The following BID variants were observed in gnomAD, a reference collection of about 807,000 sequenced individuals.
BID encodes the protein BH3 interacting domain death agonist.
BID carries 19 observed loss-of-function variants against 17.4 expected under a neutral mutation model. That is an observed-to-expected ratio of 1.09 (90% CI 0.76 to 1.60). The LOEUF is 1.60. Ranked by LOEUF, BID falls within the 40% of genes most tolerant of loss-of-function variation. BID has a pLI of 0.00. For missense variants in BID, 226 were observed against 256.0 expected, an observed-to-expected ratio of 0.88 and a Z score of 0.80; for synonymous variants, 108 against 102.8, an observed-to-expected ratio of 1.05 and a Z score of -0.31.
At chr22:17,764,985 G>T (rs2061667926) in intron 1 of BID, among the ~76,000 whole-genome samples, 2 of 152,134 alleles carry the variant, frequency 1.3e-5, no homozygotes, top group Non-Finnish European at 2.9e-5. Context: ...TCCTAAGTAA[G>T]TCTGGACTAG....
Position 17,769,723 on chromosome 22 carries a change from T to C in BID, c.-59+4658A>G, listed in dbSNP as rs1273382583. ...GACTCCACACACAGAGGCAGCTGGGTCCAGGAGGCAGCCATCCCAAACGCA... is the reference window on the plus strand; with the variant it reads ...GACTCCACACACAGAGGCAGCTGGGCCCAGGAGGCAGCCATCCCAAACGCA... On this transcript the variant is annotated intron_variant, in intron 1 of 5. Transcript: ENST00000622694. The surrounding 1 kb of genome is among the most constrained non-coding windows in gnomAD (Gnocchi z 4.8). Among the ~76,000 whole-genome samples, 2 of 151,914 alleles carry C rather than the reference T, an allele frequency of 1.3e-5. No homozygotes were observed. The highest frequency in any genetic ancestry group is 2.9e-5 in the Non-Finnish European group (2 of 67,954).
At chr22:17,748,208 C>CAAAAAAAAAAAAAAAAAAAAAAAAAAA (rs1308392736) in intron 2 of BID, among the ~76,000 whole-genome samples, 1 of 114,564 alleles carries the variant, frequency 8.7e-6, no homozygotes, top group Non-Finnish European at 1.8e-5. Flanking sequence ...AACTGCGTCT[C>CAAAAAAAAAAAAAAAAAAAAAAAAAAA]AAAAAAATAA....
intron 5 of BID, among the ~76,000 whole-genome samples, chr22:17,737,261 A>G (rs2145870763): frequency 6.6e-6 from 1 of 152,002 alleles, no homozygotes; most frequent in Middle Eastern, 3.4e-3. Context: ...TTAGACTGTG[A>G]CTTGTAATAC....
chr22:17,737,277 TA>T (rs1231689137), intron 5 of BID, among the ~76,000 whole-genome samples: 1 of 152,168 alleles, frequency 6.6e-6, no homozygotes, highest in African/African-American at 2.4e-5. Flanking sequence ...AATACCTGGT[TA>T]TGGGACAGAT....
chr22:17,749,663 T>C (rs1033128394), intron 2 of BID, among the ~76,000 whole-genome samples: 8 of 152,244 alleles, frequency 5.3e-5, no homozygotes, highest in African/African-American at 1.9e-4. Context: ...TAATGCCCCC[T>C]TTCTTCTTCT....
At chr22:17,764,736 C>T (rs755981705) in intron 1 of BID, among the ~76,000 whole-genome samples, 31 of 152,280 alleles carry the variant, frequency 2.0e-4, no homozygotes, top group East Asian at 3.9e-4. Context: ...GTCCTGGGAT[C>T]GGTTGGGGAG....
intron 2 of BID, among the ~76,000 whole-genome samples, chr22:17,744,999 A>G (rs1007965237): frequency 6.6e-6 from 1 of 152,230 alleles, no homozygotes; most frequent in African/African-American, 2.4e-5. Flanking sequence ...ATTTTTCATT[A>G]GAAAAACCAA....
At chr22:17,752,070 TG>T (rs1464375898) in intron 1 of BID, among the ~76,000 whole-genome samples, 1 of 152,136 alleles carries the variant, frequency 6.6e-6, no homozygotes, top group African/African-American at 2.4e-5. Context: ...GGGGTCTCTG[TG>T]GGGAAAGTGC....
Position 17,773,949 on chromosome 22 carries a change from G to T in BID, c.-59+432C>A. 3.7e-6 allele frequency: 2 copies of T among 542,782 alleles called. No individual in the cohort carries two copies. Among genetic ancestry groups the T allele is most frequent in the Non-Finnish European group, 6.6e-6 (2 of 304,784 alleles). The allele number at this position is 542,782 out of a possible 1,614,324, so 33.6% of individuals were successfully genotyped here. A position where few individuals can be genotyped will look rare whatever the true frequency, so the allele number is the denominator to read the frequency against. ...GTGTCTGCGGTGCTGGAAAGACCAC[G>T]GTGTGGGCGGGGATTCCGATCCGCC... On this transcript the variant is annotated intron_variant, in intron 1 of 5. Transcript: ENST00000622694. This position sits in a 1 kb window ranked among gnomAD's most constrained non-coding sequence, Gnocchi z 4.4.
chr22:17,743,743 G>T, intron 3 of BID, 60 bp downstream of exon 3: 2 of 1,526,210 alleles, frequency 1.3e-6, no homozygotes, highest in Non-Finnish European at 1.8e-6. Flanking sequence ...GAGGCTCCCT[G>T]AATGTTACTG....
chr22:17,752,252 T>C (rs1285612957), intron 1 of BID, among the ~76,000 whole-genome samples: 2 of 152,106 alleles, frequency 1.3e-5, no homozygotes, highest in Non-Finnish European at 2.9e-5. Context: ...GCGACTTGGA[T>C]ACCCAGGAAA....
At chr22:17,763,221 T>C (rs917425595) in intron 1 of BID, among the ~76,000 whole-genome samples, 1 of 151,078 alleles carries the variant, frequency 6.6e-6, no homozygotes, top group African/African-American at 2.4e-5. Context: ...ACATAGCTGT[T>C]TGTCTCCATC....
intron 5 of BID, among the ~76,000 whole-genome samples, chr22:17,737,302 G>A (rs992092987): frequency 2.0e-5 from 3 of 152,028 alleles, no homozygotes; most frequent in Non-Finnish European, 2.9e-5. Context: ...CTCTGGAAAA[G>A]ATTTCAGACA....
chr22:17,770,028 C>G (rs773118486), intron 1 of BID, among the ~76,000 whole-genome samples: 1 of 152,140 alleles, frequency 6.6e-6, no homozygotes, highest in South Asian at 2.1e-4. Context: ...CAGGGCCCTT[C>G]GTGCCACTGG....
chr22:17,750,302 C>T (rs1007761207), intron 1 of BID, 128 bp from the exon 2 acceptor site: 3 of 752,694 alleles, frequency 4.0e-6, no homozygotes, highest in Admixed American at 2.6e-5. Context: ...CTGAGCCCCG[C>T]ATCCTGAGTT....
At position 17,760,153 on chromosome 22, in the gene BID, G is replaced by C. The variant is rs370789179; in HGVS notation, c.-58-9979C>G. ...CATCTCAAAAAAAAAAAAAAAAAAA[G>C]TTTCATATCTGGCCGGGCACAATGA... On this transcript the variant is annotated intron_variant, in intron 1 of 5. Transcript: ENST00000622694. 7.7e-5 allele frequency among the ~76,000 whole-genome samples: 7 copies of C among 91,334 alleles called. No individual in the cohort carries two copies. The East Asian group carries it at 2.4e-3, about 32-fold the overall frequency. The allele number at this position is 91,334 out of a possible 152,430, so 59.9% of individuals were successfully genotyped here.
At chr22:17,739,092 C>G (rs1341654971) in intron 4 of BID, among the ~76,000 whole-genome samples, 1 of 152,248 alleles carries the variant, frequency 6.6e-6, no homozygotes, top group Admixed American at 6.5e-5. Context: ...GCCAAACATG[C>G]TTCGTTCATC....
chr22:17,743,686 G>T, intron 3 of BID, 117 bp downstream of exon 3: 1 of 1,071,758 alleles, frequency 9.3e-7, no homozygotes, highest in Non-Finnish European at 1.3e-6. Context: ...GTACGTGGCA[G>T]CTGAAACTGC....
At position 17,750,280 on chromosome 22, in the gene BID, C is replaced by A. The variant is rs557820160; in HGVS notation, c.-58-106G>T. ...TGTGCTCCAGAAATGGCGGCTGAGC[C>A]GAGGTCCTGGCCTGAGCCCCGCATC... On this transcript the variant is annotated intron_variant, in intron 1 of 5. Transcript: ENST00000622694. 3.3e-4 allele frequency: 323 copies of A among 979,468 alleles called. 4 individuals are homozygous for A. The African/African-American group carries it at 4.8e-3, about 15-fold the overall frequency. The allele number at this position is 979,468 out of a possible 1,614,324, so 60.7% of individuals were successfully genotyped here. A position where few individuals can be genotyped will look rare whatever the true frequency, so the allele number is the denominator to read the frequency against.
Sources: gnomAD v4.1 joint callset for allele counts (sites outside exome capture counted in the v4.1 genomes callset) on GRCh38, gnomAD v4.1.1 for gene constraint, Gnocchi (gnomAD v3.1) non-coding constraint, MANE v1.5 for transcripts, NCBI Gene and HGNC (gene_info 2026-07-23, HGNC 2026-07-21) for gene names.